Variants in CES1 observed in about 807,000 individuals in gnomAD.
CES1 encodes the protein carboxylesterase 1.
Under a neutral mutation model 53.0 loss-of-function variants are expected in CES1, and 50 were observed. That is an observed-to-expected ratio of 0.94 (90% confidence interval 0.75 to 1.19). CES1 has a LOEUF of 1.19. Ranked by LOEUF, CES1 falls within the 50% of genes most tolerant of loss-of-function variation. The pLI, the probability that CES1 is intolerant of heterozygous loss-of-function variation, is 0.00. For synonymous variants in CES1, 202 were observed against 210.1 expected, an observed-to-expected ratio of 0.96 and a Z score of 0.33; for missense variants, 534 against 538.0, an observed-to-expected ratio of 0.99 and a Z score of 0.07.
chr16:55,821,915 G>T (rs1479685637), intron 4 of CES1, among the ~76,000 whole-genome samples: 1 of 152,212 alleles, frequency 6.6e-6, no homozygotes, highest in African/African-American at 2.4e-5. Flanking sequence ...AAACAGGAGT[G>T]GGACAGGGGG....
In CES1 at chr16:55,826,177, C is replaced by A. The variant is rs2032408230; in HGVS notation, c.379G>T (p.Asp127Tyr). 6.2e-7 allele frequency: 1 copy of A among 1,613,854 alleles called. No homozygotes were observed. The highest frequency in any genetic ancestry group is 1.7e-5 in the Admixed American group (1 of 59,996). Residue 127 changes from aspartate to tyrosine, a missense_variant, in exon 3 of 14, where the codon GAC (aspartate) becomes TAC (tyrosine). Physicochemically the swap from Asp to Tyr is radical, Grantham distance 160 (BLOSUM62 -3). Transcript: ENST00000360526. ...GGCAGCCTGTTTTTCTTGGTCAAGT[C>A]AGCAGGAGTGTAAATATTGAGGTAA... ...CLYLNIYTPADLTKKNRLPVM... is the reference protein window; with the variant it reads ...CLYLNIYTPAYLTKKNRLPVM...
At chr16:55,809,238 TAAGA>T (rs1567490518) in intron 11 of CES1, among the ~76,000 whole-genome samples, 2 of 152,120 alleles carry the variant, frequency 1.3e-5, no homozygotes. Flanking sequence ...AGGGCAAGTT[TAAGA>T]AAGAACAGAT....
At chr16:55,808,173 A>G (rs1286100944) in intron 11 of CES1, among the ~76,000 whole-genome samples, 31 of 119,510 alleles carry the variant, frequency 2.6e-4, no homozygotes, top group African/African-American at 8.5e-4. Flanking sequence ...CCCCTCGAAC[A>G]TTTTCCAAAG....
intron 7 of CES1, among the ~76,000 whole-genome samples, chr16:55,817,194 A>C (rs1385574934): frequency 6.6e-6 from 1 of 152,216 alleles, no homozygotes; most frequent in Non-Finnish European, 1.5e-5. Flanking sequence ...GGAATTGTTT[A>C]GAAAGAGGGT....
chr16:55,816,871 G>T (rs796401261), intron 8 of CES1, 53 bp downstream of exon 8: 1 of 1,557,566 alleles, frequency 6.4e-7, no homozygotes, highest in South Asian at 1.1e-5. Context: ...GTTAATTGGA[G>T]CTTAAAGGTG....
intron 1 of CES1, among the ~76,000 whole-genome samples, chr16:55,832,409 C>T (rs552142013): frequency 3.3e-5 from 5 of 152,350 alleles, no homozygotes; most frequent in Non-Finnish European, 5.9e-5. Flanking sequence ...TTTTAAACAG[C>T]GCCTTTATTT....
At chr16:55,822,574 C>A (rs552189542) in intron 4 of CES1, among the ~76,000 whole-genome samples, 1 of 152,104 alleles carries the variant, frequency 6.6e-6, no homozygotes, top group South Asian at 2.1e-4. Context: ...AAGAGTGGGG[C>A]ACCCTTTAGA....
chr16:55,815,442 C>A (rs1451676729), intron 8 of CES1, among the ~76,000 whole-genome samples: 2 of 152,204 alleles, frequency 1.3e-5, no homozygotes, highest in South Asian at 2.1e-4. Context: ...GAGACGGGAG[C>A]ACCTCAGTTG....
chr16:55,821,336 G>T (rs2307234), intron 5 of CES1, 32 bp downstream of exon 5: 2 of 1,613,758 alleles, frequency 1.2e-6, no homozygotes, highest in Non-Finnish European at 1.7e-6. Flanking sequence ...CACATCAAGC[G>T]TGGGGTTGGG....
chr16:55,820,588 G>T, intron 5 of CES1, 109 bp from the exon 6 acceptor site: 2 of 1,565,770 alleles, frequency 1.3e-6, no homozygotes, highest in Non-Finnish European at 1.7e-6. Context: ...ACGGGACTGA[G>T]GAATCCAGTA....
At chr16:55,824,579 C>G (rs2032344303) in intron 3 of CES1, among the ~76,000 whole-genome samples, 1 of 152,242 alleles carries the variant, frequency 6.6e-6, no homozygotes, top group Non-Finnish European at 1.5e-5. Context: ...TCCTACAACT[C>G]AAAAGTGGTA....
At chr16:55,823,887 C>T (rs540135456) in intron 3 of CES1, among the ~76,000 whole-genome samples, 2 of 152,396 alleles carry the variant, frequency 1.3e-5, no homozygotes, top group Admixed American at 1.3e-4. Flanking sequence ...CCCTACTGCA[C>T]ATACCCTGGC....
intron 7 of CES1, 49 bp downstream of exon 7, chr16:55,819,486 G>T: frequency 7.2e-7 from 1 of 1,386,442 alleles, no homozygotes; most frequent in Non-Finnish European, 1.0e-6. Flanking sequence ...AAATGAAGAA[G>T]TCTGGGACCA....
chr16:55,812,902 C>T lies in CES1; in HGVS notation c.1086+1G>A, dbSNP rs770494458. Reference sequence around the variant, plus strand: ...CCTCCAACAGACATGTGCCTTCTCACCATTGGAATCAACCAGCCAAACTCC... The same window carrying T: ...CCTCCAACAGACATGTGCCTTCTCATCATTGGAATCAACCAGCCAAACTCC... On this transcript the variant is annotated splice_donor_variant, in intron 9 of 13. Transcript: ENST00000360526. LOFTEE classifies it high-confidence loss of function. The T allele has an allele frequency of 6.2e-7, 1 of 1,613,968 alleles. No individual in the cohort carries two copies. Among genetic ancestry groups the T allele is most frequent in the African/African-American group, 1.3e-5 (1 of 74,884 alleles).
In CES1 at chr16:55,817,055, C is replaced by T. The variant is rs74019276; in HGVS notation, c.907-93G>A. On this transcript the variant is annotated intron_variant, in intron 7 of 13. Coordinates refer to ENST00000360526, the MANE Select transcript of CES1 (RefSeq NM_001025195.2). ...GGCAACAGAGGTGTCAGGTTCTTCC[C>T]GCATCACTCCGTGAATTCGTATATC... 9.9e-4 allele frequency: 1,315 copies of T among 1,326,484 alleles called. 1 individual carries two copies. The East Asian group carries it at 0.02, about 21-fold the overall frequency. The allele number at this position is 1,326,484 out of a possible 1,614,324, so 82.2% of individuals were successfully genotyped here.
chr16:55,822,816 G>A (rs1217584558), intron 4 of CES1, among the ~76,000 whole-genome samples: 2 of 152,114 alleles, frequency 1.3e-5, no homozygotes, highest in Admixed American at 1.3e-4. Flanking sequence ...GTCCTGAGAG[G>A]TTGGGTGGAG....
At chr16:55,816,496 G>T (rs1187565577) in intron 8 of CES1, among the ~76,000 whole-genome samples, 5 of 152,220 alleles carry the variant, frequency 3.3e-5, no homozygotes, top group African/African-American at 4.8e-5. Context: ...GGAGAATACT[G>T]TTGGAGTTTC....
intron 7 of CES1, among the ~76,000 whole-genome samples, chr16:55,819,229 A>G (rs1156292061): frequency 6.6e-6 from 1 of 152,240 alleles, no homozygotes; most frequent in African/African-American, 2.4e-5. Flanking sequence ...ATTCAGGATG[A>G]TGGTGTCCCC....
intron 6 of CES1, among the ~76,000 whole-genome samples, 189 bp from the exon 7 acceptor site, chr16:55,819,828 CA>C (rs1373897814): frequency 1.3e-5 from 2 of 152,188 alleles, no homozygotes; most frequent in East Asian, 1.9e-4. Flanking sequence ...TCAATTGTAA[CA>C]TGGGTCAATT....
Sources: gnomAD v4.1 joint callset for allele counts (sites outside exome capture counted in the v4.1 genomes callset) on GRCh38, gnomAD v4.1.1 for gene constraint, MANE v1.5 for transcripts, NCBI Gene and HGNC (gene_info 2026-07-23, HGNC 2026-07-21) for gene names.